The following PDPN variants were observed in gnomAD, a reference collection of about 807,000 sequenced individuals.
PDPN encodes PA2.26 antigen.
PDPN carries 12 observed loss-of-function variants against 23.2 expected under a neutral mutation model. The observed-to-expected ratio is 0.52, with a 90% CI of 0.33 to 0.84. The LOEUF is 0.84. PDPN is among the 40% of genes least tolerant of loss of function. The pLI is 0.02. For missense variants in PDPN, 199 were observed against 212.2 expected, an observed-to-expected ratio of 0.94 and a Z score of 0.39; for synonymous variants, 77 against 76.7, an observed-to-expected ratio of 1.00 and a Z score of -0.02.
At chr1:13,612,898 G>T (rs1640970336) in intron 3 of PDPN, among the ~76,000 whole-genome samples, 1 of 31,846 alleles carries the variant, frequency 3.1e-5, no homozygotes, top group African/African-American at 1.3e-4. Context: ...CTAAATCAAG[G>T]CATCTTGACT....
At chr1:13,604,158 G>A (rs946958769) in intron 1 of PDPN, among the ~76,000 whole-genome samples, 4 of 152,212 alleles carry the variant, frequency 2.6e-5, no homozygotes, top group African/African-American at 4.8e-5. Flanking sequence ...ATGTGTGTGT[G>A]TATGCGTGTG....
Position 13,584,045 on chromosome 1 carries a change from G to T in PDPN, c.12G>T (p.Val4=), listed in dbSNP as rs147939246. The T allele has an allele frequency of 3.8e-5, 62 of 1,613,264 alleles. No individual in the cohort carries two copies. Among genetic ancestry groups the T allele is most frequent in the Admixed American group, 5.0e-5 (3 of 60,016 alleles). The change falls in exon 1 of 6, where the codon GTG becomes GTT. Residue 4 remains valine, a synonymous_variant. Coordinates refer to ENST00000621990, the MANE Select transcript of PDPN (RefSeq NM_006474.5). MWK[V]SALLFVLGSA... ...ACTCAACGGGAACGATGTGGAAGGT[G>T]TCAGCTCTGCTCTTCGTTTTGGGAA...
intron 1 of PDPN, among the ~76,000 whole-genome samples, chr1:13,591,044 C>T (rs1235187421): frequency 6.6e-6 from 1 of 151,938 alleles, no homozygotes; most frequent in African/African-American, 2.4e-5. Flanking sequence ...CGGGTTCAAG[C>T]GATTCTCCTG....
intron 1 of PDPN, among the ~76,000 whole-genome samples, chr1:13,604,583 A>T (rs1041817642): frequency 6.6e-6 from 1 of 150,994 alleles, no homozygotes; most frequent in African/African-American, 2.4e-5. Flanking sequence ...AAAGAATTCA[A>T]TCTAATTTCA....
chr1:13,585,506 A>G (rs1640151766), intron 1 of PDPN: 1 of 1,349,616 alleles, frequency 7.4e-7, no homozygotes, highest in Non-Finnish European at 9.8e-7. Context: ...TGTGCTCACC[A>G]GGGCAAAGCA....
intron 1 of PDPN, among the ~76,000 whole-genome samples, chr1:13,604,258 A>G (rs1177747889): frequency 1.3e-5 from 2 of 152,150 alleles, no homozygotes; most frequent in Non-Finnish European, 2.9e-5. Context: ...TTCAGGAGGA[A>G]GGGGAAAAGA....
chr1:13,609,680 A>G lies in PDPN; in HGVS notation c.202-707A>G, dbSNP rs541167344. The stretch of plus-strand genomic sequence containing the variant: ...GCACCTCATGTAAGTGGAATCATAT[A>G]GTACTTGTCTTTTGTGACTGGTTTA... On this transcript the variant is annotated intron_variant, in intron 2 of 5. Coordinates refer to ENST00000621990, the MANE Select transcript of PDPN (RefSeq NM_006474.5). Among the ~76,000 whole-genome samples the G allele has an allele frequency of 2.4e-4, 37 of 152,286 alleles. 1 individual carries two copies. The highest frequency in any genetic ancestry group is 6.5e-4 in the Admixed American group (10 of 15,290).
chr1:13,584,428 C>G, intron 1 of PDPN: 5 of 927,992 alleles, frequency 5.4e-6, no homozygotes, highest in Non-Finnish European at 7.8e-6. Flanking sequence ...CGCTTGCTGG[C>G]AGCAGTGGCT....
At chr1:13,591,763 T>C (rs1474467789) in intron 1 of PDPN, among the ~76,000 whole-genome samples, 1 of 152,220 alleles carries the variant, frequency 6.6e-6, no homozygotes, top group Admixed American at 6.5e-5. Context: ...AGCACAGTCA[T>C]AGCTCACGAC....
intron 1 of PDPN, among the ~76,000 whole-genome samples, chr1:13,589,147 G>T (rs1557535539): frequency 1.3e-5 from 2 of 152,164 alleles, no homozygotes; most frequent in Non-Finnish European, 2.9e-5. Flanking sequence ...GTTCTGTGAT[G>T]AATCAGATGT....
chr1:13,587,203 T>G (rs1340634367), intron 1 of PDPN, among the ~76,000 whole-genome samples: 2 of 152,230 alleles, frequency 1.3e-5, no homozygotes, highest in African/African-American at 4.8e-5. Context: ...AGAATGAAAT[T>G]GTCATAATAC....
intron 1 of PDPN, among the ~76,000 whole-genome samples, chr1:13,591,515 C>T (rs551355229): frequency 6.6e-6 from 1 of 152,272 alleles, no homozygotes; most frequent in Non-Finnish European, 1.5e-5. Context: ...TTCCCATTTC[C>T]TCCTCCCCCT....
In PDPN at chr1:13,616,008, T is replaced by C; in HGVS notation, c.*97T>C. 8.6e-7 allele frequency: 1 copy of C among 1,163,014 alleles called. No homozygotes were observed. The highest frequency in any genetic ancestry group is 1.3e-6 in the Non-Finnish European group (1 of 770,480). The allele number at this position is 1,163,014 out of a possible 1,614,324, so 72.0% of individuals were successfully genotyped here. On this transcript the variant is annotated 3_prime_UTR_variant, in exon 6 of 6. Transcript: ENST00000621990. ...TGAGCTCGTGGGAGAAGATGACCCG[T>C]GGAACACTTGCCTGGCCCACTCAGA...
At chr1:13,602,319 C>T (rs1333169272) in intron 1 of PDPN, among the ~76,000 whole-genome samples, 5 of 151,238 alleles carry the variant, frequency 3.3e-5, no homozygotes, top group African/African-American at 1.2e-4. Flanking sequence ...CAGAGCAAGA[C>T]TCCGTCTCAA....
chr1:13,610,327 G>T (rs404658), intron 2 of PDPN, 60 bp from the exon 3 acceptor site: 985,800 of 1,430,258 alleles, frequency 0.69, 341,710 homozygotes, highest in Admixed American at 0.79. Context: ...TAAGGCAGGG[G>T]ATATATTTTA....
At chr1:13,608,153 A>G (rs897311802) in intron 2 of PDPN, among the ~76,000 whole-genome samples, 2 of 152,160 alleles carry the variant, frequency 1.3e-5, no homozygotes, top group African/African-American at 4.8e-5. Flanking sequence ...TTGTTTTCTC[A>G]CTATAGACTG....
chr1:13,593,870 G>A (rs1322122567), intron 1 of PDPN, among the ~76,000 whole-genome samples: 2 of 152,198 alleles, frequency 1.3e-5, no homozygotes, highest in East Asian at 1.9e-4. Context: ...GGGAATGTTC[G>A]TGACACCAGC....
intron 1 of PDPN, among the ~76,000 whole-genome samples, chr1:13,593,246 T>C (rs1324153626): frequency 3.9e-5 from 6 of 152,066 alleles, no homozygotes; most frequent in South Asian, 2.1e-4. Context: ...GATGAGAGAT[T>C]AGGAACCAAC....
chr1:13,610,520 A>G lies in PDPN; in HGVS notation c.331+4A>G. On this transcript the variant is annotated splice_donor_region_variant and intron_variant, in intron 3 of 5. Transcript: ENST00000621990. The stretch of plus-strand genomic sequence containing the variant: ...GTGGCCACCAGTCACTCCACGGGTA[A>G]GAAAACCAGCCACCTCCATGGGGGC... 1 of 1,612,282 alleles carries G rather than the reference A, an allele frequency of 6.2e-7. No individual in the cohort carries two copies. Among genetic ancestry groups the G allele is most frequent in the South Asian group, 1.1e-5 (1 of 90,698 alleles).
Sources: allele counts gnomAD v4.1 joint callset (sites outside exome capture counted in the v4.1 genomes callset), GRCh38; gene constraint gnomAD v4.1.1; transcripts MANE v1.5; gene names NCBI Gene and HGNC (gene_info 2026-07-23, HGNC 2026-07-21).